The following CNTN6 variants were observed in gnomAD, a reference collection of about 807,000 sequenced individuals.
The protein encoded by CNTN6 is contactin 6.
CNTN6 carries 137 observed loss-of-function variants against 122.8 expected under a neutral mutation model. That is an observed-to-expected ratio of 1.12 (90% CI 0.97 to 1.29). The LOEUF (loss-of-function observed/expected upper bound fraction) is 1.29. Among genes scored for constraint, CNTN6 ranks in the 50% most tolerant of loss-of-function variants. CNTN6 has a pLI of 0.00. For synonymous variants in CNTN6, 570 were observed against 426.0 expected, an observed-to-expected ratio of 1.34 and a Z score of -4.16; for missense variants, 1,634 against 1,223.4, an observed-to-expected ratio of 1.34 and a Z score of -5.01.
intron 12 of CNTN6, among the ~76,000 whole-genome samples, chr3:1,357,244 T>C (rs535224178): frequency 1.7e-3 from 261 of 151,972 alleles, no homozygotes; most frequent in African/African-American, 5.9e-3. Flanking sequence ...TAGCTAGTGG[T>C]TTATGCCAGT....
intron 19 of CNTN6, among the ~76,000 whole-genome samples, chr3:1,384,107 A>C (rs946911863): frequency 3.9e-5 from 6 of 152,226 alleles, no homozygotes; most frequent in African/African-American, 1.4e-4. Flanking sequence ...ATACAGATTC[A>C]GTAAGTAAGA....
At chr3:1,327,718 T>G in intron 10 of CNTN6, 132 bp downstream of exon 10, 1 of 969,616 alleles carries the variant, frequency 1.0e-6, no homozygotes, top group Non-Finnish European at 1.5e-6. Flanking sequence ...ATGTCTAAAT[T>G]AACTTTTTAC....
intron 11 of CNTN6, among the ~76,000 whole-genome samples, chr3:1,332,376 T>C (rs1362464294): frequency 6.6e-6 from 1 of 151,968 alleles, no homozygotes; most frequent in African/African-American, 2.4e-5. Flanking sequence ...AAATACAGCA[T>C]CTATGCTTCT....
intron 2 of CNTN6, among the ~76,000 whole-genome samples, chr3:1,194,976 C>G (rs752142945): frequency 6.6e-6 from 1 of 152,114 alleles, no homozygotes; most frequent in Non-Finnish European, 1.5e-5. Context: ...GACTCCCCTT[C>G]CAGCATCCTT....
At chr3:1,276,664 T>C (rs1020754668) in intron 4 of CNTN6, among the ~76,000 whole-genome samples, 1 of 152,188 alleles carries the variant, frequency 6.6e-6, no homozygotes, top group Non-Finnish European at 1.5e-5. Flanking sequence ...CCCTCTGCCT[T>C]ACCATCATTG....
chr3:1,272,035 A>T (rs1167726613), intron 4 of CNTN6, among the ~76,000 whole-genome samples: 1 of 152,144 alleles, frequency 6.6e-6, no homozygotes, highest in African/African-American at 2.4e-5. Flanking sequence ...CCTGTTAGTG[A>T]ATAAGTCTCA....
intron 10 of CNTN6, 57 bp from the exon 11 acceptor site, chr3:1,329,728 G>T: frequency 6.9e-7 from 1 of 1,446,234 alleles, no homozygotes; most frequent in South Asian, 1.3e-5. Context: ...GTCACCCCTG[G>T]AGTCACTACA....
intron 4 of CNTN6, among the ~76,000 whole-genome samples, chr3:1,241,569 G>T (rs901496825): frequency 7.2e-5 from 11 of 152,270 alleles, no homozygotes; most frequent in African/African-American, 1.2e-4. Context: ...GGGTATTAAA[G>T]GACTAAGAAT....
At chr3:1,191,488 C>A (rs1309921003) in intron 2 of CNTN6, among the ~76,000 whole-genome samples, 4 of 152,168 alleles carry the variant, frequency 2.6e-5, no homozygotes, top group Non-Finnish European at 5.9e-5. Flanking sequence ...GTGGTGCACC[C>A]CAACTCCACA....
chr3:1,318,100 GGAAA>G (rs989250452), intron 7 of CNTN6, among the ~76,000 whole-genome samples: 64 of 150,096 alleles, frequency 4.3e-4, no homozygotes, highest in East Asian at 2.2e-3. Context: ...AAAGAGAGAA[GGAAA>G]GAAAGAAAGA....
At chr3:1,269,019 A>C (rs936681003) in intron 4 of CNTN6, among the ~76,000 whole-genome samples, 1 of 152,114 alleles carries the variant, frequency 6.6e-6, no homozygotes, top group African/African-American at 2.4e-5. Flanking sequence ...TAAAAATTCA[A>C]AACATCCTAA....
intron 21 of CNTN6, among the ~76,000 whole-genome samples, chr3:1,402,077 A>G (rs919740619): frequency 2.3e-4 from 35 of 151,982 alleles, no homozygotes; most frequent in African/African-American, 7.7e-4. Context: ...AATAGCCTCA[A>G]GCTATTTAAC....
intron 2 of CNTN6, among the ~76,000 whole-genome samples, chr3:1,215,289 AT>A (rs2125496605): frequency 6.6e-6 from 1 of 152,256 alleles, no homozygotes; most frequent in East Asian, 1.9e-4. Flanking sequence ...TTAATGTTGA[AT>A]CATCTTTATC....
intron 19 of CNTN6, among the ~76,000 whole-genome samples, chr3:1,383,768 G>C (rs1692310824): frequency 6.6e-6 from 1 of 152,148 alleles, no homozygotes; most frequent in African/African-American, 2.4e-5. Context: ...CAGCTTGGAA[G>C]CAGTTCTACA....
At chr3:1,227,743 G>T in intron 3 of CNTN6, 75 bp from the exon 4 acceptor site, 1 of 1,451,128 alleles carries the variant, frequency 6.9e-7, no homozygotes, top group South Asian at 1.2e-5. Context: ...GCAGGAATTA[G>T]AACTACATGT....
In CNTN6 at chr3:1,373,701, T is replaced by C. The variant is rs757120568; in HGVS notation, c.1884T>C (p.Ile628=). The C allele has an allele frequency of 3.1e-6, 5 of 1,613,022 alleles. No individual in the cohort carries two copies. The highest frequency in any genetic ancestry group is 4.2e-6 in the Non-Finnish European group (5 of 1,179,364). Residue 628 remains isoleucine (I), a synonymous_variant, in exon 15 of 23, where the codon ATT becomes ATC. Transcript: ENST00000446702. The part of the protein sequence containing the change: ...WRAGPDNNSP[I]QIFTIQTRTP... ...CAGGCCCAGATAATAACAGTCCCAT[T>C]CAAATATTTACTATTCAGACTCGGA... is the stretch of plus-strand genomic sequence containing the variant.
chr3:1,109,654 T>C (rs2091386760), intron 1 of CNTN6, among the ~76,000 whole-genome samples: 1 of 152,064 alleles, frequency 6.6e-6, no homozygotes, highest in Non-Finnish European at 1.5e-5. Context: ...CTTAACATAT[T>C]TGCAAAGATT....
At chr3:1,160,199 A>AT (rs1000066335) in intron 2 of CNTN6, among the ~76,000 whole-genome samples, 8 of 151,810 alleles carry the variant, frequency 5.3e-5, no homozygotes, top group Non-Finnish European at 7.4e-5. Context: ...AGTTCAATGA[A>AT]TTTTCATAAA....
chr3:1,189,200 T>C (rs867795915), intron 2 of CNTN6, among the ~76,000 whole-genome samples: 6 of 152,116 alleles, frequency 3.9e-5, no homozygotes, highest in Non-Finnish European at 4.4e-5. Flanking sequence ...AAGTTTATAA[T>C]TGTTGGTGCC....
Sources: allele counts gnomAD v4.1 joint callset (sites outside exome capture counted in the v4.1 genomes callset), GRCh38; gene constraint gnomAD v4.1.1; transcripts MANE v1.5; gene names NCBI Gene and HGNC (gene_info 2026-07-23, HGNC 2026-07-21).